The following ZNF221 variants were observed in gnomAD, a reference collection of about 807,000 sequenced individuals.
ZNF221 encodes zinc finger protein 221.
ZNF221 carries 10 observed loss-of-function variants against 12.6 expected under a neutral mutation model. The observed-to-expected ratio is 0.79, with a 90% CI of 0.49 to 1.34. ZNF221 has a LOEUF of 1.34. ZNF221 is among the 40% of genes most tolerant of loss of function. The pLI is 0.00. For missense variants in ZNF221, 661 were observed against 721.4 expected, an observed-to-expected ratio of 0.92 and a Z score of 0.96; for synonymous variants, 232 against 244.0, an observed-to-expected ratio of 0.95 and a Z score of 0.46.
chr19:43,966,287 G>C lies in ZNF221; in HGVS notation c.785G>C (p.Gly262Ala). The C allele has an allele frequency of 6.2e-7, 1 of 1,613,300 alleles. No homozygotes were observed. Among genetic ancestry groups the C allele is most frequent in the African/African-American group, 1.3e-5 (1 of 75,040 alleles). Residue 262 changes from glycine to alanine, a missense_variant, in exon 5 of 5, where the codon GGC becomes GCC. Coordinates refer to ENST00000587682, the MANE Select transcript of ZNF221 (RefSeq NM_001297588.2). The stretch of plus-strand genomic sequence containing the variant: ...TTCAAATGTGGGCAATGTGGGAAAG[G>C]CTTCCATAGTAGATCAGCACTTAAT... ...KPFKCGQCGKGFHSRSALNVH... is the reference protein window; with the variant it reads ...KPFKCGQCGKAFHSRSALNVH...
At chr19:43,973,818 T>C in the ZNF221 span, among the ~76,000 whole-genome samples, 1 of 152,188 alleles carries the variant, frequency 6.6e-6, no homozygotes, top group African/African-American at 2.4e-5. Context: ...ATGGCCATAC[T>C]GCCCAAAGTA....
Position 43,966,933 on chromosome 19 carries a change from C to T in ZNF221, c.1431C>T (p.Pro477=). The T allele has an allele frequency of 6.2e-7, 1 of 1,614,122 alleles. No individual in the cohort carries two copies. Among genetic ancestry groups the T allele is most frequent in the Admixed American group, 1.7e-5 (1 of 60,008 alleles). The change falls in exon 5 of 5, where the codon CCC becomes CCT. Residue 477 remains proline (P), a synonymous_variant. Transcript: ENST00000587682. ...AGAGGGTCCACACGGGTGAGAGACC[C>T]TATAATTGTAAGGAATGTGGCAAGA... The part of the protein sequence containing the change: ...FHQRVHTGER[P]YNCKECGKSF...
At chr19:43,969,761 C>T (rs1319952192), downstream of ZNF221, among the ~76,000 whole-genome samples, 1 of 152,210 alleles carries the variant, frequency 6.6e-6, no homozygotes, top group African/African-American at 2.4e-5. Flanking sequence ...AATCTAATCT[C>T]TACCTCAGAT....
chr19:43,965,782 T>C (rs781624712), intron 4 of ZNF221, 22 bp from the exon 5 acceptor site: 3 of 1,558,130 alleles, frequency 1.9e-6, no homozygotes, highest in Non-Finnish European at 2.6e-6. Context: ...TGCCCACATA[T>C]ATTAATTCTG....
downstream of ZNF221, among the ~76,000 whole-genome samples, chr19:43,971,692 G>A (rs141762995): frequency 1.2e-3 from 178 of 151,160 alleles, 1 homozygote; most frequent in African/African-American, 3.8e-3. Flanking sequence ...ACAGCAAAGG[G>A]TTCAACAAGA....
At chr19:43,952,259 GTGA>G (rs1201721454) in intron 1 of ZNF221, among the ~76,000 whole-genome samples, 5 of 152,150 alleles carry the variant, frequency 3.3e-5, no homozygotes, top group African/African-American at 1.2e-4. Flanking sequence ...GTCAAGAGTG[GTGA>G]CACAACCATG....
intron 1 of ZNF221, among the ~76,000 whole-genome samples, chr19:43,959,172 A>G (rs1471519984): frequency 6.6e-6 from 1 of 152,228 alleles, no homozygotes; most frequent in African/African-American, 2.4e-5. Flanking sequence ...CTCACAATCC[A>G]GTTGAGTAAA....
downstream of ZNF221, among the ~76,000 whole-genome samples, chr19:43,968,897 C>A (rs931581686): frequency 1.3e-4 from 20 of 152,132 alleles, no homozygotes; most frequent in African/African-American, 4.6e-4. Flanking sequence ...CCTTGTGAGC[C>A]CATGCCACCA....
In ZNF221 at chr19:43,966,909, G is replaced by A. The variant is rs1974977627; in HGVS notation, c.1407G>A (p.Gln469=). Residue 469 remains glutamine (Q), a synonymous_variant, in exon 5 of 5, where the codon CAG becomes CAA. Transcript: ENST00000587682. The stretch of plus-strand genomic sequence containing the variant: ...GGAGGTTGGATCTTGAGTTTCACCA[G>A]AGGGTCCACACGGGTGAGAGACCCT... ...YKRRLDLEFH[Q]RVHTGERPYN... 6.2e-7 allele frequency: 1 copy of A among 1,614,154 alleles called. No homozygotes were observed. The highest frequency in any genetic ancestry group is 1.7e-5 in the Admixed American group (1 of 60,012).
chr19:43,952,867 C>A (rs1386245847), intron 1 of ZNF221, among the ~76,000 whole-genome samples: 1 of 152,074 alleles, frequency 6.6e-6, no homozygotes, highest in Non-Finnish European at 1.5e-5. Context: ...CATTATGGAG[C>A]ATTCAGAAAT....
downstream of ZNF221, among the ~76,000 whole-genome samples, chr19:43,970,354 C>T (rs137863817): frequency 7.0e-3 from 1,071 of 152,198 alleles, 11 homozygotes; most frequent in African/African-American, 0.024. Context: ...AAAGCCAGAG[C>T]GCCTCTTCTC....
chr19:43,955,114 CT>C (rs917626560), intron 1 of ZNF221, among the ~76,000 whole-genome samples: 10 of 150,426 alleles, frequency 6.6e-5, no homozygotes, highest in Non-Finnish European at 1.2e-4. Flanking sequence ...CTTCTTTCTT[CT>C]TTTTTTTTAA....
chr19:43,973,531 G>A, the ZNF221 span, among the ~76,000 whole-genome samples: 3 of 152,150 alleles, frequency 2.0e-5, no homozygotes, highest in African/African-American at 7.2e-5. Flanking sequence ...AGCTTTTTAA[G>A]CTGATAAGCA....
In ZNF221 at chr19:43,967,438, A is replaced by G. The variant is rs776043648; in HGVS notation, c.*82A>G. ...TCTCCACAGCAGAGAAAAACCATTC[A>G]AATATGAGAACTGTGGGAAGAGCTT... On this transcript the variant is annotated 3_prime_UTR_variant, in exon 5 of 5. Coordinates refer to ENST00000587682, the MANE Select transcript of ZNF221 (RefSeq NM_001297588.2). 13 of 1,064,402 alleles carry G rather than the reference A, an allele frequency of 1.2e-5. No individual in the cohort carries two copies. Among genetic ancestry groups the G allele is most frequent in the Non-Finnish European group, 1.8e-5 (13 of 723,910 alleles). The allele number at this position is 1,064,402 out of a possible 1,614,324, so 65.9% of individuals were successfully genotyped here. A position where few individuals can be genotyped will look rare whatever the true frequency, so the allele number is the denominator to read the frequency against.
intron 1 of ZNF221, chr19:43,960,336 G>C (rs1465480092): frequency 6.6e-6 from 1 of 152,190 alleles, no homozygotes; most frequent in Non-Finnish European, 1.5e-5. Flanking sequence ...ATGACTTAAA[G>C]TTGGAATTTA....
At chr19:43,972,162 C>T (rs939389543), downstream of ZNF221, among the ~76,000 whole-genome samples, 1 of 152,118 alleles carries the variant, frequency 6.6e-6, no homozygotes, top group African/African-American at 2.4e-5. Context: ...AATTGAATAA[C>T]CTGCTTGTGA....
At chr19:43,953,195 C>T (rs1974701937) in intron 1 of ZNF221, among the ~76,000 whole-genome samples, 1 of 151,914 alleles carries the variant, frequency 6.6e-6, no homozygotes, top group African/African-American at 2.4e-5. Flanking sequence ...AGGTGATCTG[C>T]CCACCTCAGC....
At chr19:43,980,881 A>G in the ZNF221 span, among the ~76,000 whole-genome samples, 4 of 152,220 alleles carry the variant, frequency 2.6e-5, no homozygotes, top group South Asian at 6.2e-4. Flanking sequence ...CCCAGCTGCT[A>G]TGTAAGTTTC....
chr19:43,965,903 C>T lies in ZNF221; in HGVS notation c.401C>T (p.Thr134Ile). The change falls in exon 5 of 5, where the codon ACC becomes ATC. Residue 134 changes from threonine to isoleucine, a missense_variant. By Grantham distance (89) the Thr-to-Ile change is moderately conservative. Transcript: ENST00000587682. ...QIWEQIASDL[T>I]RSQNSIRNSS... ...TGGGAACAAATTGCAAGTGACCTAA[C>T]CAGGTCTCAAAACTCCATAAGGAAC... 1 of 1,614,162 alleles carries T rather than the reference C, an allele frequency of 6.2e-7. No individual in the cohort carries two copies. The highest frequency in any genetic ancestry group is 1.1e-5 in the South Asian group (1 of 91,080).
Sources: gnomAD v4.1 joint callset for allele counts (sites outside exome capture counted in the v4.1 genomes callset) on GRCh38, gnomAD v4.1.1 for gene constraint, MANE v1.5 for transcripts, NCBI Gene and HGNC (gene_info 2026-07-23, HGNC 2026-07-21) for gene names.